METAP1: variants seen among roughly 807,000 people sequenced by gnomAD.
The protein encoded by METAP1 is methionyl aminopeptidase 1, also known as methionine aminopeptidase 1.
METAP1 carries 28 observed loss-of-function variants against 53.8 expected under a neutral mutation model. The ratio of observed to expected loss-of-function variants is 0.52; its 90% confidence interval spans 0.39 to 0.71. The LOEUF is 0.71. Ranked by LOEUF, METAP1 falls within the 30% of genes least tolerant of loss-of-function variation. The probability of loss-of-function intolerance (pLI) is 0.00; values close to 1 mark genes in which losing one functional copy is unlikely to be tolerated. For missense variants in METAP1, 389 were observed against 479.8 expected (o/e 0.81, Z 1.77); for synonymous variants, 181 against 165.7 (o/e 1.09, Z -0.71).
chr4:99,049,133 A>G (rs56071019), intron 9 of METAP1, among the ~76,000 whole-genome samples: 2,424 of 152,272 alleles, frequency 0.016, 30 homozygotes, highest in Non-Finnish European at 0.025. Flanking sequence ...TCTTTGACCT[A>G]TGGCTTTCAA....
At chr4:98,998,464 A>G (rs545635529) in intron 1 of METAP1, among the ~76,000 whole-genome samples, 6 of 152,342 alleles carry the variant, frequency 3.9e-5, no homozygotes, top group South Asian at 2.1e-4. Context: ...TGGAGGTTGC[A>G]GTGAGCCGAG....
At chr4:99,004,202 T>A (rs1723055295) in intron 1 of METAP1, among the ~76,000 whole-genome samples, 1 of 152,186 alleles carries the variant, frequency 6.6e-6, no homozygotes, top group Non-Finnish European at 1.5e-5. Flanking sequence ...CTGAACCCAA[T>A]CCTCTTGGGT....
intron 1 of METAP1, among the ~76,000 whole-genome samples, chr4:99,004,766 A>T (rs1723101571): frequency 6.6e-6 from 1 of 152,190 alleles, no homozygotes; most frequent in East Asian, 1.9e-4. Context: ...TACCAACAAA[A>T]TGATTACATG....
intron 10 of METAP1, among the ~76,000 whole-genome samples, chr4:99,060,133 T>A (rs1168317509): frequency 6.6e-6 from 1 of 152,194 alleles, no homozygotes; most frequent in Non-Finnish European, 1.5e-5. Flanking sequence ...ATCTCATTTT[T>A]AAATGTACAG....
intron 1 of METAP1, among the ~76,000 whole-genome samples, chr4:98,996,319 C>T (rs1167091368): frequency 6.6e-6 from 1 of 152,232 alleles, no homozygotes; most frequent in African/African-American, 2.4e-5. Flanking sequence ...AGGCGCCGGG[C>T]CGTCCGTCGG....
At chr4:99,026,988 C>T (rs1022099522) in intron 1 of METAP1, 2 of 372,786 alleles carry the variant, frequency 5.4e-6, no homozygotes, top group African/African-American at 4.4e-5. Flanking sequence ...GAGAATAATT[C>T]TATCAGCCCT....
chr4:99,021,709 C>T (rs576777155), intron 1 of METAP1, among the ~76,000 whole-genome samples: 1 of 152,142 alleles, frequency 6.6e-6, no homozygotes, highest in Non-Finnish European at 1.5e-5. Flanking sequence ...TTCCCATTGG[C>T]TGGGATGGGA....
At chr4:99,011,519 A>G (rs752803093) in intron 1 of METAP1, among the ~76,000 whole-genome samples, 1 of 152,214 alleles carries the variant, frequency 6.6e-6, no homozygotes, top group Non-Finnish European at 1.5e-5. Context: ...GTCATGGTGT[A>G]TAGTCCTTTC....
In METAP1 at chr4:99,058,621, C is replaced by T. The variant is rs17028459; in HGVS notation, c.997+803C>T. 8.7e-3 allele frequency among the ~76,000 whole-genome samples: 1,324 copies of T among 152,096 alleles called. 18 individuals are homozygous for T. The highest frequency in any genetic ancestry group is 0.03 in the African/African-American group (1,243 of 41,474). On this transcript the variant is annotated intron_variant, in intron 10 of 10. Transcript: ENST00000296411. The stretch of plus-strand genomic sequence containing the variant: ...GCAGTAGAGCTTGTGTGTCCTGAGC[C>T]CTGTTTTAAAGGATACTCCCTCTCT...
intron 6 of METAP1, among the ~76,000 whole-genome samples, chr4:99,042,114 G>T (rs1725917540): frequency 6.6e-6 from 1 of 151,562 alleles, no homozygotes. Context: ...TAATTAAATT[G>T]GTAAAAGTTA....
chr4:98,998,053 C>G (rs1402420711), intron 1 of METAP1, among the ~76,000 whole-genome samples: 2 of 152,238 alleles, frequency 1.3e-5, no homozygotes, highest in African/African-American at 4.8e-5. Context: ...AGGATTCCAG[C>G]CCCACATTCA....
intron 1 of METAP1, among the ~76,000 whole-genome samples, chr4:99,014,800 A>T (rs1189242038): frequency 6.6e-6 from 1 of 152,176 alleles, no homozygotes; most frequent in African/African-American, 2.4e-5. Context: ...TGTCCCACTC[A>T]AGGATGGCTG....
rs6851894 is a variant in METAP1 at position 98,999,182 on chromosome 4, C to T, written c.114+3315C>T. On this transcript the variant is annotated intron_variant, in intron 1 of 10. Transcript: ENST00000296411. ...TTGTTCACTGCCCTGTTCTCATTTC[C>T]CAGTATGATGCTCTGTATGCAGTAG... Among the ~76,000 whole-genome samples, 769 of 152,108 alleles carry T rather than the reference C, an allele frequency of 5.1e-3. 6 individuals are homozygous for T. The highest frequency in any genetic ancestry group is 0.017 in the African/African-American group (726 of 41,502).
chr4:99,060,836 C>T (rs1313524191), intron 10 of METAP1, among the ~76,000 whole-genome samples: 1 of 152,028 alleles, frequency 6.6e-6, no homozygotes, highest in Non-Finnish European at 1.5e-5. Flanking sequence ...TATAATGATA[C>T]ATATAATTAA....
At chr4:99,037,354 A>G (rs1725504957) in intron 4 of METAP1, among the ~76,000 whole-genome samples, 1 of 151,996 alleles carries the variant, frequency 6.6e-6, no homozygotes, top group Non-Finnish European at 1.5e-5. Flanking sequence ...GTATGGCTCT[A>G]TGACCTAGAA....
chr4:99,005,353 A>C (rs992265609), intron 1 of METAP1, among the ~76,000 whole-genome samples: 10 of 152,256 alleles, frequency 6.6e-5, no homozygotes, highest in African/African-American at 2.2e-4. Context: ...TCTCAAAAGA[A>C]GATATGGCCA....
chr4:99,017,624 G>A (rs1723848764), intron 1 of METAP1, among the ~76,000 whole-genome samples: 1 of 152,240 alleles, frequency 6.6e-6, no homozygotes, highest in African/African-American at 2.4e-5. Flanking sequence ...TGAACTATCA[G>A]TGGTTATAGT....
At chr4:99,013,941 A>C (rs945107987) in intron 1 of METAP1, among the ~76,000 whole-genome samples, 1 of 152,176 alleles carries the variant, frequency 6.6e-6, no homozygotes, top group Non-Finnish European at 1.5e-5. Flanking sequence ...TTTTTGTTTT[A>C]TAATTCTTCA....
At chr4:99,016,836 A>G (rs1723796236) in intron 1 of METAP1, among the ~76,000 whole-genome samples, 1 of 152,178 alleles carries the variant, frequency 6.6e-6, no homozygotes, top group Non-Finnish European at 1.5e-5. Context: ...GGACAGCGTC[A>G]CATAGGGCCT....
Sources: allele counts gnomAD v4.1 joint callset (sites outside exome capture counted in the v4.1 genomes callset), GRCh38; gene constraint gnomAD v4.1.1; transcripts MANE v1.5; gene names NCBI Gene and HGNC (gene_info 2026-07-23, HGNC 2026-07-21).